The following ADGRV1 variants were observed in gnomAD, a reference collection of about 807,000 sequenced individuals.
The protein encoded by ADGRV1 is adhesion G protein-coupled receptor V1, also known as G-protein coupled receptor 98.
A neutral mutation model predicts 596.2 loss-of-function variants in ADGRV1; 359 were observed. That is an observed-to-expected ratio of 0.60 (90% CI 0.55 to 0.66). The LOEUF is 0.66. Ranked by LOEUF, ADGRV1 falls within the 30% of genes least tolerant of loss-of-function variation. The pLI is 0.00. For missense variants in ADGRV1, 7,274 were observed against 7,575.6 expected, an observed-to-expected ratio of 0.96 and a Z score of 1.48; for synonymous variants, 2,681 against 2,679.2, an observed-to-expected ratio of 1.00 and a Z score of -0.02.
chr5:90,964,606 A>G (rs1778294771), intron 83 of ADGRV1, among the ~76,000 whole-genome samples: 1 of 152,068 alleles, frequency 6.6e-6, no homozygotes, highest in African/African-American at 2.4e-5. Flanking sequence ...CTCAGCAAGT[A>G]TTTATTGAGT....
At chr5:90,566,600 T>C (rs1755664773) in intron 1 of ADGRV1, among the ~76,000 whole-genome samples, 1 of 152,150 alleles carries the variant, frequency 6.6e-6, no homozygotes, top group Admixed American at 6.5e-5. Context: ...ATGTTGTAAA[T>C]GCAATTATTT....
intron 5 of ADGRV1, 113 bp downstream of exon 5, chr5:90,622,814 C>T (rs181767947): frequency 9.8e-6 from 4 of 409,476 alleles, no homozygotes; most frequent in Non-Finnish European, 1.3e-5. Context: ...GATCTCAGCT[C>T]AATGCAACCT....
Position 90,791,250 on chromosome 5 carries a change from TA to T in ADGRV1, c.14424del (p.Glu4809AsnfsTer28). 6.2e-7 allele frequency: 1 copy of T among 1,612,214 alleles called. No individual in the cohort carries two copies. Among genetic ancestry groups the T allele is most frequent in the Non-Finnish European group, 8.5e-7 (1 of 1,179,188 alleles). On this transcript the variant is annotated frameshift_variant, in exon 70 of 90. Transcript: ENST00000405460. LOFTEE classifies it high-confidence loss of function. ...TTGGGCTTCGAATATCATCGGATCA[TA>T]AAGAACAGCCGATTGTTACCGAAAA... ...AVGLRISSDH[K>X]EQPIVTENAE...
Position 91,091,010 on chromosome 5 carries a change from C to T in ADGRV1, c.18311-11209C>T, listed in dbSNP as rs188031352. 4.6e-5 allele frequency among the ~76,000 whole-genome samples: 7 copies of T among 152,124 alleles called. No homozygotes were observed. In the East Asian group the frequency reaches 7.7e-4, roughly 17 times the overall value. ...TTCACATGTAAAATGCATTTCTCAC[C>T]GTGGTTTGTGGTCAGAGTTTGAAAG... On this transcript the variant is annotated intron_variant, in intron 86 of 89. Transcript: ENST00000405460.
chr5:90,944,002 T>A (rs1386463741), intron 83 of ADGRV1, among the ~76,000 whole-genome samples: 3 of 152,182 alleles, frequency 2.0e-5, no homozygotes, highest in Admixed American at 2.0e-4. Context: ...TTTTAAATTA[T>A]CTTTATTGTA....
At chr5:90,598,054 T>C (rs1222707628) in intron 1 of ADGRV1, among the ~76,000 whole-genome samples, 2 of 152,250 alleles carry the variant, frequency 1.3e-5, no homozygotes, top group African/African-American at 4.8e-5. Context: ...TCATTTTCAG[T>C]AACTATTCAC....
At chr5:90,567,736 T>TAACTTTTTTTTTTTTTTGAC (rs1755826436) in intron 1 of ADGRV1, among the ~76,000 whole-genome samples, 1 of 149,556 alleles carries the variant, frequency 6.7e-6, no homozygotes, top group Non-Finnish European at 1.5e-5. Context: ...TCAGTTTTGT[T>TAACTTTTTTTTTTTTTTGAC]ATCTTTTTTT....
At chr5:91,056,000 C>A (rs1340777877) in intron 85 of ADGRV1, among the ~76,000 whole-genome samples, 1 of 152,134 alleles carries the variant, frequency 6.6e-6, no homozygotes, top group South Asian at 2.1e-4. Context: ...CTGCATCCTG[C>A]TGGTTGTGGA....
chr5:90,887,355 A>G (rs544048753), intron 83 of ADGRV1, among the ~76,000 whole-genome samples: 2 of 152,082 alleles, frequency 1.3e-5, no homozygotes, highest in African/African-American at 2.4e-5. Flanking sequence ...TCATCACTCT[A>G]TTTCACTCTA....
intron 11 of ADGRV1, among the ~76,000 whole-genome samples, chr5:90,638,383 T>C (rs1766521265): frequency 1.3e-5 from 2 of 152,084 alleles, no homozygotes; most frequent in Admixed American, 1.3e-4. Context: ...AATTCTCTTT[T>C]TTACATGGAA....
At chr5:91,112,804 C>T (rs1437380242) in intron 87 of ADGRV1, among the ~76,000 whole-genome samples, 2 of 152,112 alleles carry the variant, frequency 1.3e-5, no homozygotes, top group Admixed American at 6.6e-5. Context: ...TACCAAGCAA[C>T]GTGAGTTATC....
chr5:90,653,207 A>G lies in ADGRV1; in HGVS notation c.3635-2A>G. ...TCTCACTCATAAATTTTCTTGTTAC[A>G]GGTGGATCCCCAGGTCCTGGGGGCC... On this transcript the variant is annotated splice_acceptor_variant, in intron 19 of 89. Transcript: ENST00000405460. LOFTEE classifies it high-confidence loss of function. The G allele has an allele frequency of 3.1e-6, 5 of 1,598,720 alleles. No individual in the cohort carries two copies. Among genetic ancestry groups the G allele is most frequent in the Non-Finnish European group, 2.6e-6 (3 of 1,171,062 alleles).
At chr5:90,646,931 G>A (rs897149459) in intron 16 of ADGRV1, among the ~76,000 whole-genome samples, 7 of 151,752 alleles carry the variant, frequency 4.6e-5, no homozygotes, top group Non-Finnish European at 8.8e-5. Context: ...ACACCACCAC[G>A]CCCAGCTAAT....
intron 30 of ADGRV1, among the ~76,000 whole-genome samples, chr5:90,690,464 A>G (rs1746319762): frequency 6.6e-6 from 1 of 152,178 alleles, no homozygotes; most frequent in African/African-American, 2.4e-5. Context: ...CCTGCATAAC[A>G]TCAGTCATGG....
chr5:91,143,107 G>A lies in ADGRV1; in HGVS notation c.18433-6923G>A, dbSNP rs190576462. ...AGGCACTGGCTGTCTGTGAGGCTGT[G>A]GCTGGACTAGGCATCCCGCAAGTAG... is the stretch of plus-strand genomic sequence containing the variant. On this transcript the variant is annotated intron_variant, in intron 87 of 89. Transcript: ENST00000405460. Among the ~76,000 whole-genome samples, 91 of 152,330 alleles carry A rather than the reference G, an allele frequency of 6.0e-4. 2 individuals are homozygous for A. The highest frequency in any genetic ancestry group is 4.8e-3 in the Admixed American group (73 of 15,310).
chr5:90,970,002 T>C (rs951922735), intron 84 of ADGRV1, among the ~76,000 whole-genome samples: 29 of 152,202 alleles, frequency 1.9e-4, no homozygotes, highest in Non-Finnish European at 1.3e-4. Flanking sequence ...GGACAGTACC[T>C]GGAAAATCGG....
chr5:90,565,666 G>A (rs889767433), intron 1 of ADGRV1, among the ~76,000 whole-genome samples: 1 of 151,850 alleles, frequency 6.6e-6, no homozygotes, highest in African/African-American at 2.4e-5. Flanking sequence ...AGTTTTTTTT[G>A]TGCTGACATA....
At chr5:90,806,657 C>T (rs1293361478) in intron 72 of ADGRV1, among the ~76,000 whole-genome samples, 1 of 152,078 alleles carries the variant, frequency 6.6e-6, no homozygotes, top group African/African-American at 2.4e-5. Context: ...GCTTACATAT[C>T]ACATTAGTCT....
chr5:90,820,140 T>G (rs1763329696), intron 75 of ADGRV1, among the ~76,000 whole-genome samples: 1 of 151,332 alleles, frequency 6.6e-6, no homozygotes, highest in South Asian at 2.1e-4. Context: ...TTAGCTCTTC[T>G]TGTTGAATTG....
Sources: allele counts gnomAD v4.1 joint callset (sites outside exome capture counted in the v4.1 genomes callset), GRCh38; gene constraint gnomAD v4.1.1; transcripts MANE v1.5; gene names NCBI Gene and HGNC (gene_info 2026-07-23, HGNC 2026-07-21).